GLMN: variants seen among roughly 807,000 people sequenced by gnomAD.
GLMN encodes the protein glomulin, FKBP associated protein.
Under a neutral mutation model 87.8 loss-of-function variants are expected in GLMN, and 75 were observed. The observed-to-expected ratio is 0.85, with a 90% confidence interval of 0.71 to 1.04. GLMN has a LOEUF of 1.04. Among genes scored for constraint, GLMN ranks in the 50% least tolerant of loss-of-function variants. The pLI is 0.00. For synonymous variants in GLMN, 206 were observed against 221.6 expected, an observed-to-expected ratio of 0.93 and a Z score of 0.63; for missense variants, 588 against 658.8, an observed-to-expected ratio of 0.89 and a Z score of 1.18.
At chr1:92,248,286 C>G in intron 16 of GLMN, 1 of 279,958 alleles carries the variant, frequency 3.6e-6, no homozygotes, top group Non-Finnish European at 6.8e-6. Context: ...TCACAGACGT[C>G]TCTTCCTCTA....
rs6672838 is a variant in GLMN, at chr1:92,286,751, T to C, written c.633-159A>G. On this transcript the variant is annotated intron_variant, in intron 6 of 18. Coordinates refer to ENST00000370360, the MANE Select transcript of GLMN (RefSeq NM_053274.3). ...AACTCATGTTGAAATTTAACTGCCATAAGGAGGTGGGAATTAGGCCAAGGG... is the reference window on the plus strand; with the variant it reads ...AACTCATGTTGAAATTTAACTGCCACAAGGAGGTGGGAATTAGGCCAAGGG... 0.073 allele frequency among the ~76,000 whole-genome samples: 11,048 copies of C among 152,236 alleles called. 1,185 individuals carry two copies. Among genetic ancestry groups the C allele is most frequent in the African/African-American group, 0.24 (9,764 of 41,518 alleles).
the GLMN span, among the ~76,000 whole-genome samples, chr1:92,308,994 AG>A: frequency 6.6e-6 from 1 of 152,130 alleles, no homozygotes; most frequent in Non-Finnish European, 1.5e-5. Flanking sequence ...GAAGTAAAAC[AG>A]GTCTTCCTGT....
At chr1:92,279,101 T>A (rs3122326) in intron 7 of GLMN, among the ~76,000 whole-genome samples, 7 of 151,940 alleles carry the variant, frequency 4.6e-5, no homozygotes, top group Admixed American at 3.3e-4. Context: ...TTGCATGTCC[T>A]AACTTTACTC....
chr1:92,247,761 AGCT>A, intron 17 of GLMN, 114 bp downstream of exon 17: 6 of 645,706 alleles, frequency 9.3e-6, no homozygotes, highest in Middle Eastern at 8.3e-4. Context: ...AAAATGGCTT[AGCT>A]GTTATGGTCT....
intron 4 of GLMN, 97 bp downstream of exon 4, chr1:92,291,321 T>A: frequency 1.8e-6 from 2 of 1,130,122 alleles, no homozygotes; most frequent in Non-Finnish European, 2.7e-6. Flanking sequence ...TGTACTTTCA[T>A]GAACCAAAAG....
At chr1:92,345,785 A>G in the GLMN span, 1 of 1,039,936 alleles carries the variant, frequency 9.6e-7, no homozygotes, top group Middle Eastern at 2.1e-4. Flanking sequence ...TGTTATCTAG[A>G]AAGAAATAGA....
At chr1:92,285,527 T>C (rs1648641481) in intron 7 of GLMN, among the ~76,000 whole-genome samples, 1 of 152,196 alleles carries the variant, frequency 6.6e-6, no homozygotes, top group Admixed American at 6.6e-5. Flanking sequence ...GATGAGTTGA[T>C]GGGTGCAGCA....
chr1:92,301,105 G>C (rs774784608), upstream of GLMN, among the ~76,000 whole-genome samples: 5 of 152,174 alleles, frequency 3.3e-5, no homozygotes, highest in Non-Finnish European at 7.3e-5. Flanking sequence ...CATACAAAGA[G>C]TATATAAAGA....
the GLMN span, chr1:92,323,606 C>T: frequency 5.0e-6 from 8 of 1,613,844 alleles, no homozygotes; most frequent in African/African-American, 1.1e-4. Flanking sequence ...TCCATTCTAC[C>T]AGGAAACAGA....
rs767635941 is a variant in GLMN at position 92,262,893 on chromosome 1, C to A, written c.1443G>T (p.Leu481Phe). The part of the protein sequence containing the change: ...IMASLNLLRY[L>F]VIKDNENDNQ... ...TGTCATTTTCATTATCTTTGATAACCAAATACCTCAATAAATTTAATGAAG... is the reference window on the plus strand; with the variant it reads ...TGTCATTTTCATTATCTTTGATAACAAAATACCTCAATAAATTTAATGAAG... The change falls in exon 16 of 19, where the codon TTG becomes TTT. Residue 481 changes from leucine (L) to phenylalanine (F), a missense_variant. Coordinates refer to ENST00000370360, the MANE Select transcript of GLMN (RefSeq NM_053274.3). The A allele has an allele frequency of 8.6e-7, 1 of 1,166,488 alleles. No individual in the cohort carries two copies. Among genetic ancestry groups the A allele is most frequent in the Non-Finnish European group, 1.3e-6 (1 of 777,090 alleles). 72.3% of individuals were successfully genotyped at this position (1,166,488 alleles called of 1,614,324 possible).
intron 7 of GLMN, among the ~76,000 whole-genome samples, chr1:92,282,782 T>C (rs1002442776): frequency 2.6e-5 from 4 of 151,932 alleles, no homozygotes; most frequent in African/African-American, 9.7e-5. Flanking sequence ...CAATAAAAAA[T>C]GATAAAGGGG....
chr1:92,292,368 C>A (rs1273163394), intron 3 of GLMN, among the ~76,000 whole-genome samples: 3 of 151,442 alleles, frequency 2.0e-5, no homozygotes, highest in Non-Finnish European at 4.4e-5. Flanking sequence ...CCTGGGCAAC[C>A]TAGTGAGACC....
chr1:92,248,050 C>T (rs532719020), intron 16 of GLMN, 61 bp from the exon 17 acceptor site: 29 of 785,982 alleles, frequency 3.7e-5, no homozygotes, highest in East Asian at 7.3e-5. Flanking sequence ...TACTATTAAA[C>T]GCGATAAAAG....
chr1:92,345,117 A>G, the GLMN span, among the ~76,000 whole-genome samples: 6 of 152,102 alleles, frequency 3.9e-5, no homozygotes, highest in Admixed American at 6.6e-5. Context: ...ATTTCTGTAA[A>G]TTATGCATTA....
intron 7 of GLMN, among the ~76,000 whole-genome samples, chr1:92,281,132 T>A (rs1647994020): frequency 6.6e-6 from 1 of 151,888 alleles, no homozygotes. Flanking sequence ...ACAAAGATAC[T>A]CCTTGAGAAG....
At chr1:92,328,161 C>T in the GLMN span, among the ~76,000 whole-genome samples, 3 of 152,210 alleles carry the variant, frequency 2.0e-5, no homozygotes, top group Admixed American at 2.0e-4. Flanking sequence ...GATGAGTTTC[C>T]CAGGTGTTCT....
At chr1:92,260,647 C>T (rs1337957227) in intron 16 of GLMN, among the ~76,000 whole-genome samples, 1 of 150,100 alleles carries the variant, frequency 6.7e-6, no homozygotes, top group African/African-American at 2.4e-5. Context: ...AATCCCAGCA[C>T]TTTGGGAGGC....
At chr1:92,359,604 G>A in the GLMN span, among the ~76,000 whole-genome samples, 3 of 152,364 alleles carry the variant, frequency 2.0e-5, no homozygotes, top group Middle Eastern at 3.4e-3. Flanking sequence ...ATAGGCATGA[G>A]CCATCGTGCC....
chr1:92,332,880 C>T, the GLMN span, among the ~76,000 whole-genome samples: 1 of 152,102 alleles, frequency 6.6e-6, no homozygotes. Context: ...TTTATAGCCT[C>T]GTTAGCTCTC....
Sources: gnomAD v4.1 joint callset for allele counts (sites outside exome capture counted in the v4.1 genomes callset) on GRCh38, gnomAD v4.1.1 for gene constraint, MANE v1.5 for transcripts, NCBI Gene and HGNC (gene_info 2026-07-23, HGNC 2026-07-21) for gene names.